MAN2B2: variants seen among roughly 807,000 people sequenced by gnomAD.
MAN2B2 encodes the protein epididymis-specific alpha-mannosidase.
Under a neutral mutation model 117.1 loss-of-function variants are expected in MAN2B2, and 106 were observed. The observed-to-expected ratio is 0.90, with a 90% CI of 0.77 to 1.06. The LOEUF (loss-of-function observed/expected upper bound fraction) is 1.06, where lower values mean the gene tolerates loss of function less well. Ranked by LOEUF, MAN2B2 falls within the 50% of genes least tolerant of loss-of-function variation. MAN2B2 has a pLI of 0.00. For synonymous variants in MAN2B2, 544 were observed against 595.1 expected (o/e 0.91, Z 1.25); for missense variants, 1,326 against 1,381.4 (o/e 0.96, Z 0.64).
At chr4:6,580,209 C>T (rs942473590) in intron 3 of MAN2B2, among the ~76,000 whole-genome samples, 5 of 152,198 alleles carry the variant, frequency 3.3e-5, no homozygotes, top group African/African-American at 7.2e-5. Context: ...GAGAAGGAGG[C>T]GTGATGGACA....
At chr4:6,617,687 T>C in intron 17 of MAN2B2, 195 bp downstream of exon 17, 2 of 1,065,138 alleles carry the variant, frequency 1.9e-6, no homozygotes, top group Non-Finnish European at 2.6e-6. Flanking sequence ...TTAGGGTTTT[T>C]TGTGTATATG....
In MAN2B2 at chr4:6,600,720, C is replaced by T. The variant is rs747293583; in HGVS notation, c.1503C>T (p.Arg501=). ...TGACTGTTGGTTTCCCTGGAGTCCGCGTCACAGATGAGGCGGGCCACCCAG... is the reference window on the plus strand; with the variant it reads ...TGACTGTTGGTTTCCCTGGAGTCCGTGTCACAGATGAGGCGGGCCACCCAG... ...VTLTVGFPGV[R]VTDEAGHPVP... The change falls in exon 10 of 19, where the codon CGC becomes CGT. Residue 501 remains arginine, a synonymous_variant. Coordinates refer to ENST00000285599, the MANE Select transcript of MAN2B2 (RefSeq NM_015274.3). 15 of 1,613,792 alleles carry T rather than the reference C, an allele frequency of 9.3e-6. No individual in the cohort carries two copies. Among genetic ancestry groups the T allele is most frequent in the African/African-American group, 6.7e-5 (5 of 74,924 alleles).
intron 5 of MAN2B2, among the ~76,000 whole-genome samples, chr4:6,591,893 A>T (rs1163419178): frequency 1.3e-5 from 2 of 152,176 alleles, no homozygotes; most frequent in Non-Finnish European, 2.9e-5. Context: ...TCTCCCTGTG[A>T]TACCTCACAG....
Position 6,598,340 on chromosome 4 carries a change from T to A in MAN2B2, c.1391T>A (p.Met464Lys). ...GATGAGCTCCAGCCCCAGGCACCCA[T>A]GGCGGCCAGCTCCGGTGAGCAGGGC... ...VLDELQPQAP[M>K]AASSDAGPAG... The change falls in exon 9 of 19, where the codon ATG becomes AAG. Residue 464 changes from methionine to lysine, a missense_variant. Met to Lys is a moderately conservative substitution (Grantham distance 95). Coordinates refer to ENST00000285599, the MANE Select transcript of MAN2B2 (RefSeq NM_015274.3). 1.2e-6 allele frequency: 2 copies of A among 1,612,448 alleles called. No homozygotes were observed. Among genetic ancestry groups the A allele is most frequent in the Non-Finnish European group, 8.5e-7 (1 of 1,179,430 alleles).
chr4:6,582,467 T>A (rs1335492297), intron 3 of MAN2B2, among the ~76,000 whole-genome samples: 1 of 152,056 alleles, frequency 6.6e-6, no homozygotes, highest in Non-Finnish European at 1.5e-5. Flanking sequence ...GCATCCTGAG[T>A]AGCTGGGAGT....
intron 3 of MAN2B2, among the ~76,000 whole-genome samples, chr4:6,583,774 T>C (rs949358147): frequency 6.6e-6 from 1 of 152,156 alleles, no homozygotes; most frequent in African/African-American, 2.4e-5. Flanking sequence ...GAAGGTCAAG[T>C]GCTGTATTGA....
intron 9 of MAN2B2, among the ~76,000 whole-genome samples, chr4:6,599,903 G>C (rs1024803290): frequency 6.6e-6 from 1 of 152,190 alleles, no homozygotes; most frequent in African/African-American, 2.4e-5. Context: ...TCTCAGCTGG[G>C]GTCTGGCTTC....
Position 6,621,331 on chromosome 4 carries a change from A to G in MAN2B2, c.*46A>G, listed in dbSNP as rs374139892. 4.6e-6 allele frequency: 7 copies of G among 1,521,830 alleles called. No homozygotes were observed. The African/African-American group carries it at 6.8e-5, about 15-fold the overall frequency. The allele number at this position is 1,521,830 out of a possible 1,614,324, so 94.3% of individuals were successfully genotyped here. On this transcript the variant is annotated 3_prime_UTR_variant, in exon 19 of 19. Coordinates refer to ENST00000285599, the MANE Select transcript of MAN2B2 (RefSeq NM_015274.3). ...CCCCAGGGCTTCCCCCAGGAACTCCATGTAACAGAACAGACCCAGGACAGG... is the reference window on the plus strand; with the variant it reads ...CCCCAGGGCTTCCCCCAGGAACTCCGTGTAACAGAACAGACCCAGGACAGG...
At chr4:6,583,586 G>T (rs973587803) in intron 3 of MAN2B2, among the ~76,000 whole-genome samples, 3 of 152,184 alleles carry the variant, frequency 2.0e-5, no homozygotes, top group Non-Finnish European at 4.4e-5. Flanking sequence ...CAGCTAATCC[G>T]TACGGGTCTG....
At chr4:6,619,690 A>G (rs1712066645) in intron 17 of MAN2B2, 1 of 443,420 alleles carries the variant, frequency 2.3e-6, no homozygotes, top group Non-Finnish European at 4.1e-6. Context: ...CAGCTCGGCC[A>G]CCTGGTAAAG....
chr4:6,614,081 G>C lies in MAN2B2; in HGVS notation c.2564-137G>C. The C allele has an allele frequency of 7.4e-6, 8 of 1,075,964 alleles. No individual in the cohort carries two copies. The South Asian group carries it at 1.3e-4, about 17-fold the overall frequency. The allele number at this position is 1,075,964 out of a possible 1,614,324, so 66.7% of individuals were successfully genotyped here. On this transcript the variant is annotated intron_variant, in intron 15 of 18. Coordinates refer to ENST00000285599, the MANE Select transcript of MAN2B2 (RefSeq NM_015274.3). ...TTGGGAGCACAAACACTTTGGGCTG[G>C]TGCGGGGTAGGCTACCCACAAGGAT...
At chr4:6,592,991 T>C (rs528735456) in intron 5 of MAN2B2, among the ~76,000 whole-genome samples, 182 bp from the exon 6 acceptor site, 2 of 152,306 alleles carry the variant, frequency 1.3e-5, no homozygotes, top group African/African-American at 4.8e-5. Context: ...GGGCGAGAAG[T>C]TGGCCTGCGT....
rs147809313 is a variant in MAN2B2, at chr4:6,587,863, T to C, written c.564+695T>C. Among the ~76,000 whole-genome samples the C allele has an allele frequency of 6.4e-3, 971 of 151,406 alleles. 15 individuals carry two copies. Among genetic ancestry groups the C allele is most frequent in the African/African-American group, 0.023 (939 of 41,220 alleles). ...TCTGCCTCCCGGGTTCAAGCGATTA[T>C]TGTGCCTCAGCCTCTCAAGTAGCTG... On this transcript the variant is annotated intron_variant, in intron 4 of 18. Transcript: ENST00000285599.
intron 10 of MAN2B2, among the ~76,000 whole-genome samples, chr4:6,604,205 G>A (rs1385668719): frequency 6.6e-6 from 1 of 152,176 alleles, no homozygotes; most frequent in East Asian, 1.9e-4. Context: ...GTCACCGCAG[G>A]GAGGAGGCTG....
At chr4:6,613,599 G>A (rs1261351212) in intron 15 of MAN2B2, among the ~76,000 whole-genome samples, 1 of 147,410 alleles carries the variant, frequency 6.8e-6, no homozygotes, top group Non-Finnish European at 1.5e-5. Context: ...AGGAAGGGAG[G>A]GAGGGGAATG....
chr4:6,576,991 G>T (rs1726089506), intron 2 of MAN2B2, among the ~76,000 whole-genome samples: 1 of 152,166 alleles, frequency 6.6e-6, no homozygotes, highest in Non-Finnish European at 1.5e-5. Context: ...GCACTTCCGT[G>T]CCAGCTGGCA....
Position 6,616,107 on chromosome 4 carries a change from AT to A in MAN2B2, c.2702-1263del, listed in dbSNP as rs553695750. Reference sequence around the variant, plus strand: ...GTGTGAGCCACCACACCCTGCCAAAATTTTTTTTTTAATACTGATGCCTCAA... The same window carrying A: ...GTGTGAGCCACCACACCCTGCCAAAATTTTTTTTTAATACTGATGCCTCAA... On this transcript the variant is annotated intron_variant, in intron 16 of 18. Coordinates refer to ENST00000285599, the MANE Select transcript of MAN2B2 (RefSeq NM_015274.3). Among the ~76,000 whole-genome samples, 13 of 151,008 alleles carry A rather than the reference AT, an allele frequency of 8.6e-5. No homozygotes were observed. The Middle Eastern group carries it at 0.01, about 119-fold the overall frequency.
intron 6 of MAN2B2, among the ~76,000 whole-genome samples, chr4:6,593,555 C>T (rs948533966): frequency 6.6e-6 from 1 of 152,246 alleles, no homozygotes; most frequent in East Asian, 1.9e-4. Flanking sequence ...CCCTCACCCA[C>T]GCTGGCCTCT....
At chr4:6,605,387 C>G in intron 11 of MAN2B2, 58 bp downstream of exon 11, 1 of 1,543,726 alleles carries the variant, frequency 6.5e-7, no homozygotes, top group South Asian at 1.2e-5. Flanking sequence ...CTGGGCATGT[C>G]AGGCCCCTAC....
Sources: allele counts gnomAD v4.1 joint callset (sites outside exome capture counted in the v4.1 genomes callset), GRCh38; gene constraint gnomAD v4.1.1; transcripts MANE v1.5; gene names NCBI Gene and HGNC (gene_info 2026-07-23, HGNC 2026-07-21).